The following H2BC12 variants were observed in gnomAD, a reference collection of about 807,000 sequenced individuals.
H2BC12 encodes H2B clustered histone 12, also known as histone H2B type 1-K.
A neutral mutation model predicts 6.3 loss-of-function variants in H2BC12; 6 were observed. The observed-to-expected ratio is 0.95, with a 90% CI of 0.52 to 1.87. H2BC12 has a LOEUF of 1.87. Ranked by LOEUF, H2BC12 falls within the 40% of genes most tolerant of loss-of-function variation. The probability of loss-of-function intolerance (pLI) is 0.01; values close to 1 mark genes in which losing one functional copy is unlikely to be tolerated. For missense variants in H2BC12, 119 were observed against 178.4 expected (o/e 0.67, Z 1.90); for synonymous variants, 132 against 78.5 (o/e 1.68, Z -3.60).
the H2BC12 span, chr6:27,139,543 C>T: frequency 6.2e-7 from 1 of 1,614,160 alleles, no homozygotes; most frequent in Non-Finnish European, 8.5e-7. Context: ...GCACGCCAAG[C>T]GCAAGACGGT....
downstream of H2BC12, among the ~76,000 whole-genome samples, chr6:27,142,995 A>G (rs1406346018): frequency 6.6e-6 from 1 of 152,120 alleles, no homozygotes; most frequent in Non-Finnish European, 1.5e-5. Context: ...AGACACATAC[A>G]ATAAAGACAA....
downstream of H2BC12, among the ~76,000 whole-genome samples, chr6:27,145,853 G>A (rs1045397893): frequency 2.0e-5 from 3 of 152,106 alleles, no homozygotes; most frequent in East Asian, 1.9e-4. Context: ...GCATCTTCCC[G>A]ATGTCCCGTG....
At chr6:27,139,812 G>T in the H2BC12 span, 1 of 949,046 alleles carries the variant, frequency 1.1e-6, no homozygotes, top group East Asian at 2.9e-5. Flanking sequence ...CTTGGGCCGA[G>T]ATTTTTCCAA....
downstream of H2BC12, chr6:27,146,328 G>A (rs1267500520): frequency 1.5e-5 from 23 of 1,580,958 alleles, no homozygotes; most frequent in East Asian, 4.9e-4. Context: ...CCTGGATTAG[G>A]AACACGTGTT....
the H2BC12 span, chr6:27,139,790 A>T: frequency 2.7e-6 from 3 of 1,128,810 alleles, no homozygotes. Context: ...TGGGCTGATG[A>T]CTACAGGTGA....
downstream of H2BC12, among the ~76,000 whole-genome samples, chr6:27,145,950 G>T (rs1290621947): frequency 6.6e-6 from 1 of 152,156 alleles, no homozygotes; most frequent in Non-Finnish European, 1.5e-5. Flanking sequence ...TAAGGTAACT[G>T]CTCGAGCGAA....
downstream of H2BC12, among the ~76,000 whole-genome samples, chr6:27,144,958 CT>C (rs1268937435): frequency 6.6e-6 from 1 of 152,100 alleles, no homozygotes; most frequent in African/African-American, 2.4e-5. Context: ...CACGCCCCCC[CT>C]AATTTTTGTA....
chr6:27,140,824 G>A, the H2BC12 span, among the ~76,000 whole-genome samples: 1 of 152,004 alleles, frequency 6.6e-6, no homozygotes, highest in East Asian at 1.9e-4. Context: ...TATGAGATTT[G>A]ATTTGTAAAT....
chr6:27,146,333 C>G (rs944070468), downstream of H2BC12: 2 of 1,588,268 alleles, frequency 1.3e-6, no homozygotes, highest in Non-Finnish European at 1.7e-6. Flanking sequence ...ATTAGGAACA[C>G]GTGTTTACAG....
At chr6:27,139,147 G>A in the H2BC12 span, 1 of 679,444 alleles carries the variant, frequency 1.5e-6, no homozygotes, top group African/African-American at 1.8e-5. Flanking sequence ...GAACAAGAGG[G>A]AGTAGAGCAC....
At chr6:27,144,680 A>C (rs1178150725), downstream of H2BC12, among the ~76,000 whole-genome samples, 1 of 152,220 alleles carries the variant, frequency 6.6e-6, no homozygotes, top group African/African-American at 2.4e-5. Context: ...ATTTGCAAAA[A>C]TAGTTTGTAA....
At chr6:27,139,413 T>G in the H2BC12 span, 1 of 1,614,062 alleles carries the variant, frequency 6.2e-7, no homozygotes, top group African/African-American at 1.3e-5. Flanking sequence ...AGCCAGCCAT[T>G]CGGCGCCTTG....
the H2BC12 span, chr6:27,139,611 C>T: frequency 1.9e-6 from 3 of 1,608,434 alleles, no homozygotes; most frequent in Non-Finnish European, 2.5e-6. Flanking sequence ...TCTATGGCTT[C>T]GGCGGCTAAA....
At chr6:27,145,415 ACT>A (rs1289989442), downstream of H2BC12, among the ~76,000 whole-genome samples, 2 of 151,718 alleles carry the variant, frequency 1.3e-5, no homozygotes, top group Non-Finnish European at 1.5e-5. Flanking sequence ...AAATTCGTGG[ACT>A]CTTTCTTTCA....
the H2BC12 span, chr6:27,139,367 G>T: frequency 4.3e-6 from 7 of 1,614,164 alleles, no homozygotes; most frequent in Non-Finnish European, 5.9e-6. Flanking sequence ...AAGCGCCACC[G>T]CAAGGTGCTG....
At chr6:27,139,951 TTAAC>T in the H2BC12 span, 1 of 291,608 alleles carries the variant, frequency 3.4e-6, no homozygotes, top group Non-Finnish European at 6.8e-6. Flanking sequence ...GGCTAGATAA[TTAAC>T]TTCCCTCTGG....
At position 27,146,388 on chromosome 6, in the gene H2BC12, G is replaced by A. The variant is rs979183774; in HGVS notation, c.*30C>T. 6 of 1,614,058 alleles carry A rather than the reference G, an allele frequency of 3.7e-6. No homozygotes were observed. The highest frequency in any genetic ancestry group is 2.2e-5 in the East Asian group (1 of 44,894). Reference sequence around the variant, plus strand: ...AGTGGCTCTTAAAAGAGCCTTTGGGGTTGGGCTTTAAGACGCTTACTTGGC... The same window carrying A: ...AGTGGCTCTTAAAAGAGCCTTTGGGATTGGGCTTTAAGACGCTTACTTGGC... On this transcript the variant is annotated 3_prime_UTR_variant, in exon 1 of 1. Transcript: ENST00000356950.
downstream of H2BC12, among the ~76,000 whole-genome samples, chr6:27,141,573 T>G (rs930130165): frequency 1.2e-4 from 18 of 152,210 alleles, no homozygotes; most frequent in Non-Finnish European, 5.9e-5. Flanking sequence ...GTAGTAGTGG[T>G]GCTAGTCCTA....
the H2BC12 span, among the ~76,000 whole-genome samples, chr6:27,140,182 A>G: frequency 6.6e-6 from 1 of 152,178 alleles, no homozygotes; most frequent in African/African-American, 2.4e-5. Context: ...TGCCTTTTAA[A>G]TACTGGAATA....
Sources: gnomAD v4.1 joint callset for allele counts (sites outside exome capture counted in the v4.1 genomes callset) on GRCh38, gnomAD v4.1.1 for gene constraint, MANE v1.5 for transcripts, NCBI Gene and HGNC (gene_info 2026-07-23, HGNC 2026-07-21) for gene names.